Variants in SRGAP2C observed in about 807,000 individuals in gnomAD.
SRGAP2C encodes the protein SLIT-ROBO Rho GTPase activating protein 2C.
A neutral mutation model predicts 25.1 loss-of-function variants in SRGAP2C; 15 were observed. The ratio of observed to expected loss-of-function variants is 0.60; its 90% CI spans 0.40 to 0.92. SRGAP2C has a LOEUF of 0.92. SRGAP2C is among the 40% of genes least tolerant of loss of function. The pLI is 0.00. For synonymous variants in SRGAP2C, 44 were observed against 96.6 expected (o/e 0.46, Z 3.19); for missense variants, 144 against 264.4 (o/e 0.54, Z 3.16).
At chr1:121,283,805 G>C (rs1425437957) in intron 2 of SRGAP2C, among the ~76,000 whole-genome samples, 2 of 151,814 alleles carry the variant, frequency 1.3e-5, no homozygotes, top group African/African-American at 2.4e-5. Flanking sequence ...AATCAGTCTG[G>C]CTTTGGCATA....
intron 2 of SRGAP2C, among the ~76,000 whole-genome samples, chr1:121,210,262 C>G (rs1655217063): frequency 6.7e-6 from 1 of 150,330 alleles, no homozygotes; most frequent in Non-Finnish European, 1.5e-5. Flanking sequence ...AAATACTGTA[C>G]AAAGGAATGA....
chr1:121,292,992 A>G (rs1657520234), intron 3 of SRGAP2C, among the ~76,000 whole-genome samples: 1 of 79,146 alleles, frequency 1.3e-5, no homozygotes, highest in South Asian at 3.1e-4. Flanking sequence ...GTGCACAAAG[A>G]AGACAGATTT....
At chr1:121,253,904 T>C (rs1170364091) in intron 2 of SRGAP2C, among the ~76,000 whole-genome samples, 1 of 151,034 alleles carries the variant, frequency 6.6e-6, no homozygotes, top group African/African-American at 2.4e-5. Context: ...TATAAATTAA[T>C]TTTTTTATTT....
intron 5 of SRGAP2C, among the ~76,000 whole-genome samples, chr1:121,365,831 C>T (rs1452918645): frequency 9.4e-6 from 1 of 106,526 alleles, no homozygotes; most frequent in Non-Finnish European, 2.0e-5. Context: ...TCCTAAATGC[C>T]CCCAGTAAGA....
At chr1:121,258,541 C>T (rs1462176854) in intron 2 of SRGAP2C, among the ~76,000 whole-genome samples, 2 of 150,914 alleles carry the variant, frequency 1.3e-5, no homozygotes, top group East Asian at 1.9e-4. Context: ...CCTTGGCTCA[C>T]GGCAACCTCT....
At chr1:121,268,273 T>G (rs1485805968) in intron 2 of SRGAP2C, among the ~76,000 whole-genome samples, 1 of 151,170 alleles carries the variant, frequency 6.6e-6, no homozygotes, top group Non-Finnish European at 1.5e-5. Flanking sequence ...CACGTGACTG[T>G]GGGGAAGTAT....
Position 121,217,160 on chromosome 1 carries a change from G to A in SRGAP2C, c.67+29647G>A, listed in dbSNP as rs587648366. Among the ~76,000 whole-genome samples, 206 of 151,974 alleles carry A rather than the reference G, an allele frequency of 1.4e-3. 1 individual carries two copies. Among genetic ancestry groups the A allele is most frequent in the Middle Eastern group, 3.4e-3 (1 of 294 alleles). On this transcript the variant is annotated intron_variant, in intron 2 of 9. Transcript: ENST00000367123. ...AAGAGAGGGATTTTAATTAGAAGTC[G>A]TCTAGGCCTACCCCTAATGAAGAAA... is the stretch of plus-strand genomic sequence containing the variant.
intron 2 of SRGAP2C, among the ~76,000 whole-genome samples, chr1:121,225,980 C>T (rs1655656242): frequency 6.6e-6 from 1 of 151,152 alleles, no homozygotes; most frequent in Non-Finnish European, 1.5e-5. Flanking sequence ...GCTGGGATTA[C>T]AGGTGTGAGC....
At chr1:121,328,909 A>C (rs1354191728) in intron 4 of SRGAP2C, among the ~76,000 whole-genome samples, 1 of 143,646 alleles carries the variant, frequency 7.0e-6, no homozygotes, top group Non-Finnish European at 1.5e-5. Flanking sequence ...AAAAAAACAA[A>C]AAACAAAAAA....
At chr1:121,210,363 G>A (rs1158458109) in intron 2 of SRGAP2C, among the ~76,000 whole-genome samples, 1 of 149,160 alleles carries the variant, frequency 6.7e-6, no homozygotes, top group Non-Finnish European at 1.5e-5. Context: ...AGCCAAAGGA[G>A]CCATTTTCCA....
At chr1:121,338,923 A>G (rs1658581771) in intron 4 of SRGAP2C, among the ~76,000 whole-genome samples, 1 of 149,050 alleles carries the variant, frequency 6.7e-6, no homozygotes, top group Non-Finnish European at 1.5e-5. Flanking sequence ...GCTATGAAAG[A>G]AAAGAAAAAA....
chr1:121,254,948 TC>T (rs1656423380), intron 2 of SRGAP2C, among the ~76,000 whole-genome samples: 1 of 150,382 alleles, frequency 6.6e-6, no homozygotes, highest in African/African-American at 2.4e-5. Context: ...ACCTTGGCTG[TC>T]CCTCTGTGTC....
At chr1:121,211,461 A>ACATACC (rs1256072808) in intron 2 of SRGAP2C, among the ~76,000 whole-genome samples, 1 of 146,168 alleles carries the variant, frequency 6.8e-6, no homozygotes, top group Non-Finnish European at 1.5e-5. Context: ...ACACACACAC[A>ACATACC]TCTTACCTTA....
chr1:121,270,953 C>T (rs1182225390), intron 2 of SRGAP2C, among the ~76,000 whole-genome samples: 3 of 151,076 alleles, frequency 2.0e-5, no homozygotes, highest in Non-Finnish European at 4.4e-5. Context: ...CCACCACGCC[C>T]AGCTACTTTT....
rs78370574 is a variant in SRGAP2C, at chr1:121,207,647, G to A, written c.67+20134G>A. ...GAGGATTTGATTGGAGATTTTGATT[G>A]TAGGATATGTTGAAAGAGGGGATCA... On this transcript the variant is annotated intron_variant, in intron 2 of 9. Transcript: ENST00000367123. Among the ~76,000 whole-genome samples, 16 of 152,318 alleles carry A rather than the reference G, an allele frequency of 1.1e-4. No homozygotes were observed. In the East Asian group the frequency reaches 3.1e-3, roughly 29 times the overall value.
intron 4 of SRGAP2C, among the ~76,000 whole-genome samples, chr1:121,356,866 A>G (rs587661954): frequency 2.0e-5 from 3 of 151,588 alleles, no homozygotes; most frequent in Admixed American, 2.0e-4. Context: ...TTTTCTTAGT[A>G]TTAGGATAGG....
intron 2 of SRGAP2C, among the ~76,000 whole-genome samples, chr1:121,237,689 G>T (rs1394476905): frequency 1.3e-5 from 2 of 151,918 alleles, no homozygotes; most frequent in Non-Finnish European, 2.9e-5. Context: ...ATTCCGGGTT[G>T]CCCTCTTTTC....
At chr1:121,314,712 G>A (rs1314159867) in intron 3 of SRGAP2C, among the ~76,000 whole-genome samples, 2 of 151,108 alleles carry the variant, frequency 1.3e-5, no homozygotes, top group East Asian at 2.0e-4. Flanking sequence ...GCCCCTGCTG[G>A]GGGGTGCCTC....
At chr1:121,385,956 C>G (rs2101683353) in intron 8 of SRGAP2C, among the ~76,000 whole-genome samples, 1 of 150,254 alleles carries the variant, frequency 6.7e-6, no homozygotes, top group East Asian at 2.0e-4. Flanking sequence ...CCTTCAGATT[C>G]CATACCCTCT....
Sources: gnomAD v4.1 joint callset for allele counts (sites outside exome capture counted in the v4.1 genomes callset) on GRCh38, gnomAD v4.1.1 for gene constraint, MANE v1.5 for transcripts, NCBI Gene and HGNC (gene_info 2026-07-23, HGNC 2026-07-21) for gene names.